SMOC2: variants seen among roughly 807,000 people sequenced by gnomAD.
The protein encoded by SMOC2 is SPARC-related modular calcium-binding protein 2.
Under a neutral mutation model 61.4 loss-of-function variants are expected in SMOC2, and 39 were observed. That is an observed-to-expected ratio of 0.64 (90% confidence interval 0.49 to 0.83). The LOEUF (loss-of-function observed/expected upper bound fraction) is 0.83. Among genes scored for constraint, SMOC2 ranks in the 40% least tolerant of loss-of-function variants. The pLI is 0.00. For synonymous variants in SMOC2, 247 were observed against 239.9 expected (o/e 1.03, Z -0.27); for missense variants, 556 against 592.9 (o/e 0.94, Z 0.65).
At chr6:168,600,151 A>G (rs543177967) in intron 8 of SMOC2, among the ~76,000 whole-genome samples, 2 of 152,220 alleles carry the variant, frequency 1.3e-5, no homozygotes, top group Admixed American at 1.3e-4. Flanking sequence ...CACGCCTGTA[A>G]TCCCAGAACC....
intron 9 of SMOC2, among the ~76,000 whole-genome samples, chr6:168,644,644 C>CTTTTTT (rs34203137): frequency 5.6e-4 from 56 of 99,484 alleles, no homozygotes; most frequent in African/African-American, 1.3e-3. Context: ...GAATGCCTTT[C>CTTTTTT]TTTTTTTTTT....
intron 7 of SMOC2, among the ~76,000 whole-genome samples, chr6:168,582,166 A>T (rs894585440): frequency 6.6e-6 from 1 of 152,090 alleles, no homozygotes; most frequent in Non-Finnish European, 1.5e-5. Context: ...GATCCCATGG[A>T]TGGGTTTTGG....
At chr6:168,474,053 G>A (rs577570151) in intron 1 of SMOC2, among the ~76,000 whole-genome samples, 1 of 152,262 alleles carries the variant, frequency 6.6e-6, no homozygotes, top group African/African-American at 2.4e-5. Context: ...ACGCAGGCTT[G>A]TGTGAGGGCT....
At chr6:168,658,828 A>G (rs533434924) in intron 11 of SMOC2, among the ~76,000 whole-genome samples, 1 of 151,962 alleles carries the variant, frequency 6.6e-6, no homozygotes, top group African/African-American at 2.4e-5. Context: ...AGAGGAACCC[A>G]TAGCTCCCCT....
rs74809180 is a variant in SMOC2 at position 168,575,818 on chromosome 6, C to T, written c.638-23000C>T. 4.9e-4 allele frequency among the ~76,000 whole-genome samples: 74 copies of T among 152,342 alleles called. 6 individuals are homozygous for T. The East Asian group carries it at 0.013, about 27-fold the overall frequency. ...GCTGCTCCAGACTGTCTCGGCTCTG[C>T]GGTGAAGATGACCGACTTCCTTGAT... On this transcript the variant is annotated intron_variant, in intron 7 of 12. Transcript: ENST00000356284.
chr6:168,529,316 G>T (rs1040486202), intron 4 of SMOC2, among the ~76,000 whole-genome samples: 2 of 152,150 alleles, frequency 1.3e-5, no homozygotes, highest in African/African-American at 2.4e-5. Context: ...CAGCCCATGC[G>T]CTGGGTAGGA....
intron 9 of SMOC2, among the ~76,000 whole-genome samples, chr6:168,639,979 C>T (rs1386487852): frequency 6.6e-6 from 1 of 152,160 alleles, no homozygotes. Context: ...CTGCCATCAC[C>T]TTTGCCTGCT....
At chr6:168,447,334 G>A (rs544693639) in intron 1 of SMOC2, among the ~76,000 whole-genome samples, 2 of 152,088 alleles carry the variant, frequency 1.3e-5, no homozygotes, top group Non-Finnish European at 2.9e-5. Context: ...GCTGGTCATC[G>A]ATTTTCTTTC....
chr6:168,513,103 C>A (rs1326776938), intron 2 of SMOC2, among the ~76,000 whole-genome samples: 2 of 152,210 alleles, frequency 1.3e-5, no homozygotes, highest in African/African-American at 2.4e-5. Flanking sequence ...CTTGTATGCA[C>A]TATTTACATT....
chr6:168,472,551 G>A (rs954299760), intron 1 of SMOC2, among the ~76,000 whole-genome samples: 4 of 152,160 alleles, frequency 2.6e-5, no homozygotes, highest in African/African-American at 9.7e-5. Flanking sequence ...ATGGGCAGCA[G>A]ACTCTCATCT....
At chr6:168,619,575 T>G (rs1297835091) in intron 9 of SMOC2, among the ~76,000 whole-genome samples, 2 of 152,254 alleles carry the variant, frequency 1.3e-5, no homozygotes, top group Admixed American at 1.3e-4. Context: ...TGCTTTTAAC[T>G]GGCCTACAGT....
chr6:168,481,044 G>A (rs1782195800), intron 1 of SMOC2, among the ~76,000 whole-genome samples: 1 of 152,182 alleles, frequency 6.6e-6, no homozygotes, highest in African/African-American at 2.4e-5. Flanking sequence ...AAAAGCTGAG[G>A]AAGTTTCTTA....
intron 3 of SMOC2, among the ~76,000 whole-genome samples, chr6:168,526,824 C>G (rs1783466526): frequency 1.3e-5 from 2 of 152,092 alleles, no homozygotes; most frequent in Admixed American, 6.5e-5. Context: ...GGAGCACACA[C>G]TAAAAGTCGT....
At chr6:168,598,666 C>G in intron 7 of SMOC2, 152 bp from the exon 8 acceptor site, 6 of 822,250 alleles carry the variant, frequency 7.3e-6, no homozygotes, top group Non-Finnish European at 9.9e-6. Flanking sequence ...TTCTGCCTCT[C>G]CTGCTGTGCC....
At chr6:168,615,343 G>A (rs1363534913) in intron 9 of SMOC2, among the ~76,000 whole-genome samples, 100 of 67,978 alleles carry the variant, frequency 1.5e-3, no homozygotes, top group African/African-American at 5.9e-3. Context: ...CCAGCACAGG[G>A]CCTCTTCACA....
chr6:168,447,855 G>T lies in SMOC2; in HGVS notation c.84+6401G>T, dbSNP rs374501225. ...CAAAAAAAAAAAAAAAAATGCTGTGGTATGTAAGTTGACCTTGCCTGCGTC... is the reference window on the plus strand; with the variant it reads ...CAAAAAAAAAAAAAAAAATGCTGTGTTATGTAAGTTGACCTTGCCTGCGTC... On this transcript the variant is annotated intron_variant, in intron 1 of 12. Transcript: ENST00000356284. 2.8e-4 allele frequency among the ~76,000 whole-genome samples: 42 copies of T among 152,042 alleles called. No homozygotes were observed. In the East Asian group the frequency reaches 3.9e-3, roughly 14 times the overall value.
chr6:168,534,244 T>C (rs1268486469), intron 4 of SMOC2, among the ~76,000 whole-genome samples: 9 of 152,244 alleles, frequency 5.9e-5, no homozygotes, highest in African/African-American at 2.2e-4. Context: ...AATAGTAATT[T>C]GATACAGCCA....
chr6:168,484,286 A>G (rs1250644261), intron 1 of SMOC2, among the ~76,000 whole-genome samples: 1 of 152,200 alleles, frequency 6.6e-6, no homozygotes. Flanking sequence ...ATTTGAATGG[A>G]CATTTTTTTT....
intron 4 of SMOC2, among the ~76,000 whole-genome samples, chr6:168,528,733 G>T (rs1054989836): frequency 6.6e-6 from 1 of 152,134 alleles, no homozygotes. Flanking sequence ...TGCATGATGT[G>T]GAATTAAAAT....
Sources: allele counts gnomAD v4.1 joint callset (sites outside exome capture counted in the v4.1 genomes callset), GRCh38; gene constraint gnomAD v4.1.1; transcripts MANE v1.5; gene names NCBI Gene and HGNC (gene_info 2026-07-23, HGNC 2026-07-21).